ARHGAP32: variants seen among roughly 807,000 people sequenced by gnomAD.
ARHGAP32 encodes the protein Rho GTPase activating protein 32, also known as rho GTPase-activating protein 32.
ARHGAP32 carries 51 observed loss-of-function variants against 186.5 expected under a neutral mutation model. The ratio of observed to expected loss-of-function variants is 0.27; its 90% confidence interval spans 0.22 to 0.35. The LOEUF is 0.35. Ranked by LOEUF, ARHGAP32 falls within the 10% of genes least tolerant of loss-of-function variation. The pLI is 1.00. For missense variants in ARHGAP32, 2,186 were observed against 2,623.5 expected (o/e 0.83, Z 3.64); for synonymous variants, 950 against 964.3 (o/e 0.99, Z 0.27).
At chr11:129,023,602 A>C (rs1938696719) in intron 11 of ARHGAP32, among the ~76,000 whole-genome samples, 1 of 152,250 alleles carries the variant, frequency 6.6e-6, no homozygotes, top group Non-Finnish European at 1.5e-5. Context: ...AGAAAAAAAG[A>C]TATTTCTTGA....
chr11:129,121,627 C>T (rs1049309441), intron 5 of ARHGAP32, among the ~76,000 whole-genome samples: 2 of 152,044 alleles, frequency 1.3e-5, no homozygotes, highest in African/African-American at 4.8e-5. Flanking sequence ...CTCACTCATA[C>T]ACCTCATACA....
intron 1 of ARHGAP32, among the ~76,000 whole-genome samples, chr11:129,275,783 T>G (rs1945522697): frequency 6.6e-6 from 1 of 152,246 alleles, no homozygotes; most frequent in Non-Finnish European, 1.5e-5. Context: ...GACATGAAAT[T>G]TTATCCTTCT....
Position 128,974,959 on chromosome 11 carries a change from A to G in ARHGAP32, c.2238T>C (p.Ser746=). The change falls in exon 21 of 23, where the codon AGT becomes AGC. Residue 746 remains serine, a synonymous_variant. Transcript: ENST00000682385. ...CATTAAAAGAGGCAGACAGTGCATC[A>G]CTGGAAGATCTGGGTCTTCTGGGTC... ...LFRPRRPRSS[S]DALSASFNGE... 1 of 1,613,046 alleles carries G rather than the reference A, an allele frequency of 6.2e-7. No individual in the cohort carries two copies. Among genetic ancestry groups the G allele is most frequent in the Non-Finnish European group, 8.5e-7 (1 of 1,179,644 alleles).
chr11:129,008,583 T>C (rs1191794528), intron 11 of ARHGAP32, among the ~76,000 whole-genome samples: 1 of 152,234 alleles, frequency 6.6e-6, no homozygotes, highest in Non-Finnish European at 1.5e-5. Context: ...CATGGAACTT[T>C]CCAGGCTAAA....
intron 5 of ARHGAP32, among the ~76,000 whole-genome samples, chr11:129,115,960 T>C (rs1942356827): frequency 6.6e-6 from 1 of 152,096 alleles, no homozygotes; most frequent in Admixed American, 6.6e-5. Flanking sequence ...AGTTCTCTTG[T>C]GGTACCAAAT....
chr11:129,264,525 A>G (rs1307707646), intron 1 of ARHGAP32, among the ~76,000 whole-genome samples: 2 of 152,220 alleles, frequency 1.3e-5, no homozygotes, highest in Non-Finnish European at 2.9e-5. Context: ...ACAGTTAGCA[A>G]TAACAGTAGC....
At chr11:129,011,202 A>G (rs371088483) in intron 11 of ARHGAP32, among the ~76,000 whole-genome samples, 20 of 152,324 alleles carry the variant, frequency 1.3e-4, no homozygotes, top group African/African-American at 4.8e-4. Flanking sequence ...TTTATTAATC[A>G]TTCATTTCTC....
chr11:128,975,645 G>C (rs1399327332), intron 20 of ARHGAP32, among the ~76,000 whole-genome samples: 1 of 151,852 alleles, frequency 6.6e-6, no homozygotes, highest in African/African-American at 2.4e-5. Context: ...ATAATTTTAC[G>C]ATGTTGCTAA....
chr11:129,153,980 T>A (rs1163188807), intron 2 of ARHGAP32, among the ~76,000 whole-genome samples: 2 of 151,884 alleles, frequency 1.3e-5, no homozygotes, highest in Non-Finnish European at 2.9e-5. Flanking sequence ...TCACAAATTA[T>A]GCATCTGACA....
chr11:129,103,407 T>G (rs1941956462), intron 5 of ARHGAP32, among the ~76,000 whole-genome samples: 1 of 101,698 alleles, frequency 9.8e-6, no homozygotes, highest in Admixed American at 9.4e-5. Flanking sequence ...TTCAGCTCCC[T>G]AAGAGAATGT....
At chr11:129,191,332 A>G (rs1944265960) in intron 1 of ARHGAP32, among the ~76,000 whole-genome samples, 1 of 102,438 alleles carries the variant, frequency 9.8e-6, no homozygotes. Context: ...TGAAAGAAAA[A>G]GAAAAGCCAG....
Position 129,038,843 on chromosome 11 carries a change from C to T in ARHGAP32, c.1045+2085G>A, listed in dbSNP as rs1184728103. The stretch of plus-strand genomic sequence containing the variant: ...TGAGGGCTGCAGTGAGCTATGATCA[C>T]AACACTGCACTGCAGCCTGTGGTGA... On this transcript the variant is annotated intron_variant, in intron 11 of 22. Coordinates refer to ENST00000682385, the MANE Select transcript of ARHGAP32 (RefSeq NM_001378024.1). Among the ~76,000 whole-genome samples the T allele has an allele frequency of 1.4e-3, 162 of 117,814 alleles. 1 individual carries two copies. The highest frequency in any genetic ancestry group is 5.2e-3 in the African/African-American group (158 of 30,602). The allele number at this position is 117,814 out of a possible 152,430, so 77.3% of individuals were successfully genotyped here.
intron 7 of ARHGAP32, among the ~76,000 whole-genome samples, 200 bp from the exon 8 acceptor site, chr11:129,065,133 T>C (rs610106): frequency 0.89 from 135,614 of 152,210 alleles, 60,695 homozygotes; most frequent in African/African-American, 0.97. Flanking sequence ...AGAGCTTCAA[T>C]TTCTAGCCCC....
intron 2 of ARHGAP32, among the ~76,000 whole-genome samples, chr11:129,142,713 C>T (rs930474): frequency 8.0e-6 from 1 of 124,722 alleles, no homozygotes; most frequent in African/African-American, 3.4e-5. Flanking sequence ...TGCTCTTTTT[C>T]TTAAAGGAAA....
intron 1 of ARHGAP32, among the ~76,000 whole-genome samples, chr11:129,201,673 C>T (rs1944455636): frequency 6.6e-6 from 1 of 151,984 alleles, no homozygotes; most frequent in Non-Finnish European, 1.5e-5. Flanking sequence ...GTAGTGGTTA[C>T]ATGAAAACAA....
chr11:129,156,288 G>A (rs1943404710), intron 2 of ARHGAP32, among the ~76,000 whole-genome samples: 1 of 152,198 alleles, frequency 6.6e-6, no homozygotes. Context: ...CAGCCAAGTG[G>A]TCTAGCTCAG....
intron 1 of ARHGAP32, among the ~76,000 whole-genome samples, chr11:129,180,683 T>C (rs1321493237): frequency 6.6e-6 from 1 of 152,188 alleles, no homozygotes; most frequent in African/African-American, 2.4e-5. Context: ...TGTTTGATTG[T>C]AGTTTCATAT....
At chr11:129,148,189 C>T (rs1387680446) in intron 2 of ARHGAP32, among the ~76,000 whole-genome samples, 1 of 152,124 alleles carries the variant, frequency 6.6e-6, no homozygotes, top group Non-Finnish European at 1.5e-5. Context: ...CTCCAAGAAC[C>T]ACCAAAGAAA....
At chr11:129,174,738 G>C (rs1305451199) in intron 1 of ARHGAP32, among the ~76,000 whole-genome samples, 1 of 152,138 alleles carries the variant, frequency 6.6e-6, no homozygotes, top group Non-Finnish European at 1.5e-5. Flanking sequence ...GATCCTGTCT[G>C]TTAGAAGGAA....
Sources: allele counts gnomAD v4.1 joint callset (sites outside exome capture counted in the v4.1 genomes callset), GRCh38; gene constraint gnomAD v4.1.1; transcripts MANE v1.5; gene names NCBI Gene and HGNC (gene_info 2026-07-23, HGNC 2026-07-21).